GLDN: variants seen among roughly 807,000 people sequenced by gnomAD.
The protein encoded by GLDN is collomin.
GLDN carries 47 observed loss-of-function variants against 56.5 expected under a neutral mutation model. That is an observed-to-expected ratio of 0.83 (90% CI 0.66 to 1.06). GLDN has a LOEUF of 1.06. GLDN is among the 50% of genes least tolerant of loss of function. The pLI, the probability that GLDN is intolerant of heterozygous loss-of-function variation, is 0.00. For missense variants in GLDN, 782 were observed against 714.3 expected, an observed-to-expected ratio of 1.09 and a Z score of -1.08; for synonymous variants, 332 against 278.8, an observed-to-expected ratio of 1.19 and a Z score of -1.90.
intron 1 of GLDN, among the ~76,000 whole-genome samples, chr15:51,343,108 G>C (rs1000554865): frequency 6.6e-6 from 1 of 152,166 alleles, no homozygotes; most frequent in African/African-American, 2.4e-5. Context: ...AGTCAAGTGT[G>C]AGCCATACTT....
chr15:51,377,366 A>T, intron 1 of GLDN, 83 bp from the exon 2 acceptor site: 1 of 1,200,800 alleles, frequency 8.3e-7, no homozygotes, highest in South Asian at 1.3e-5. Context: ...ACTTTTTATG[A>T]TTGCTTTCTG....
chr15:51,382,222 C>T (rs1207718757), intron 2 of GLDN, among the ~76,000 whole-genome samples: 1 of 152,160 alleles, frequency 6.6e-6, no homozygotes, highest in Non-Finnish European at 1.5e-5. Context: ...CACTGCATGC[C>T]CACACTTCCC....
chr15:51,359,868 G>T (rs1385912602), intron 1 of GLDN, among the ~76,000 whole-genome samples: 3 of 151,378 alleles, frequency 2.0e-5, no homozygotes, highest in Non-Finnish European at 1.5e-5. Flanking sequence ...AGTCCCAGCT[G>T]CTTGGGAGGC....
chr15:51,356,187 C>G (rs1411172807), intron 1 of GLDN, among the ~76,000 whole-genome samples: 1 of 146,506 alleles, frequency 6.8e-6, no homozygotes, highest in Non-Finnish European at 1.5e-5. Flanking sequence ...AGCTGGGGAA[C>G]AGAGTGAGAC....
chr15:51,382,298 T>A (rs1169037106), intron 2 of GLDN, among the ~76,000 whole-genome samples: 2 of 151,884 alleles, frequency 1.3e-5, no homozygotes, highest in Non-Finnish European at 2.9e-5. Flanking sequence ...TGCATTATGG[T>A]TTCAAAGAGT....
rs191353447 is a variant in GLDN at position 51,359,936 on chromosome 15, G to A, written c.364-17513G>A. Among the ~76,000 whole-genome samples, 10 of 141,252 alleles carry A rather than the reference G, an allele frequency of 7.1e-5. No individual in the cohort carries two copies. The East Asian group carries it at 1.6e-3, about 22-fold the overall frequency. 92.7% of individuals were successfully genotyped at this position (141,252 alleles called of 152,430 possible). On this transcript the variant is annotated intron_variant, in intron 1 of 9. Transcript: ENST00000335449. ...GGAGCTTGCAGTGAGCCTAGATTGC[G>A]CCACTGCACTCCAGCCTGGGCGACA... is the stretch of plus-strand genomic sequence containing the variant.
chr15:51,360,350 G>GA (rs1488455490), intron 1 of GLDN: 1 of 152,254 alleles, frequency 6.6e-6, no homozygotes, highest in Admixed American at 6.5e-5. Context: ...CTTCAAAAAG[G>GA]ACTGCCCAAA....
At position 51,356,035 on chromosome 15, in the gene GLDN, G is replaced by T. The variant is rs138136563; in HGVS notation, c.363+13988G>T. Among the ~76,000 whole-genome samples, 984 of 149,108 alleles carry T rather than the reference G, an allele frequency of 6.6e-3. 6 individuals are homozygous for T. Among genetic ancestry groups the T allele is most frequent in the African/African-American group, 0.023 (946 of 40,740 alleles). The stretch of plus-strand genomic sequence containing the variant: ...ATCCTGGCTAACATGGTGAAACCCC[G>T]TCTCTACTAAAAATACAAAAGATTA... On this transcript the variant is annotated intron_variant, in intron 1 of 9. Transcript: ENST00000335449.
At chr15:51,351,555 A>C (rs919196128) in intron 1 of GLDN, among the ~76,000 whole-genome samples, 4 of 152,060 alleles carry the variant, frequency 2.6e-5, no homozygotes, top group Non-Finnish European at 5.9e-5. Flanking sequence ...TTCCAGAATA[A>C]TTTCTCAGAT....
intron 1 of GLDN, among the ~76,000 whole-genome samples, chr15:51,348,093 G>A (rs1453418661): frequency 6.6e-6 from 1 of 152,116 alleles, no homozygotes; most frequent in Non-Finnish European, 1.5e-5. Context: ...ATGTGACTGT[G>A]TTACTCTCTT....
chr15:51,371,818 G>A (rs2037522279), intron 1 of GLDN, among the ~76,000 whole-genome samples: 1 of 152,186 alleles, frequency 6.6e-6, no homozygotes, highest in Non-Finnish European at 1.5e-5. Flanking sequence ...AAGTAGCTGG[G>A]ATTACAGAAG....
At chr15:51,397,733 T>C in intron 6 of GLDN, 135 bp downstream of exon 6, 2 of 1,162,578 alleles carry the variant, frequency 1.7e-6, no homozygotes, top group Non-Finnish European at 2.3e-6. Context: ...GTTCCCTTCT[T>C]GCAAACTTCT....
rs189892979 is a variant in GLDN, at chr15:51,368,562, C to T, written c.364-8887C>T. Among the ~76,000 whole-genome samples, 17 of 151,014 alleles carry T rather than the reference C, an allele frequency of 1.1e-4. No individual in the cohort carries two copies. In the South Asian group the frequency reaches 2.1e-3, roughly 19 times the overall value. On this transcript the variant is annotated intron_variant, in intron 1 of 9. Transcript: ENST00000335449. ...GAGTCACACCCCAGAATTTCACTGT[C>T]GTGTTTCCAAGCAGCTGCATACAAG...
intron 5 of GLDN, among the ~76,000 whole-genome samples, chr15:51,395,191 A>G (rs916485029): frequency 1.3e-5 from 2 of 152,230 alleles, no homozygotes; most frequent in South Asian, 2.1e-4. Flanking sequence ...GGATCTAAGT[A>G]TAAGTGGTTC....
At chr15:51,392,514 T>C (rs1408035662) in intron 4 of GLDN, among the ~76,000 whole-genome samples, 1 of 152,208 alleles carries the variant, frequency 6.6e-6, no homozygotes, top group Non-Finnish European at 1.5e-5. Context: ...TATTTTGTTA[T>C]ATATTACAAT....
chr15:51,347,171 A>T (rs774337139), intron 1 of GLDN, among the ~76,000 whole-genome samples: 2 of 152,248 alleles, frequency 1.3e-5, no homozygotes, highest in African/African-American at 2.4e-5. Flanking sequence ...AAAAAATTTA[A>T]TAGGAAAATC....
chr15:51,408,615 A>G (rs770809610), downstream of GLDN, among the ~76,000 whole-genome samples: 23 of 152,134 alleles, frequency 1.5e-4, no homozygotes, highest in Admixed American at 6.5e-4. Context: ...TACATGTGCC[A>G]TGTTGGTGTG....
At chr15:51,362,043 G>A (rs1261211075) in intron 1 of GLDN, among the ~76,000 whole-genome samples, 1 of 152,222 alleles carries the variant, frequency 6.6e-6, no homozygotes, top group African/African-American at 2.4e-5. Context: ...CATTTGAGCA[G>A]AGACTTGAAG....
rs1595844373 is a variant in GLDN, at chr15:51,404,915, T to C, written c.*161T>C. 5 of 612,680 alleles carry C rather than the reference T, an allele frequency of 8.2e-6. No individual in the cohort carries two copies. The East Asian group carries it at 1.1e-4, about 13-fold the overall frequency. 38.0% of individuals were successfully genotyped at this position (612,680 alleles called of 1,614,324 possible). A position where few individuals can be genotyped will look rare whatever the true frequency, so the allele number is the denominator to read the frequency against. On this transcript the variant is annotated 3_prime_UTR_variant, in exon 10 of 10. Coordinates refer to ENST00000335449, the MANE Select transcript of GLDN (RefSeq NM_181789.4). ...CCCCGCTTAGTGAAATAGCAACAGA[T>C]TGGAAGTTGAAATGGCTGAGATTTG... is the stretch of plus-strand genomic sequence containing the variant.
Sources: gnomAD v4.1 joint callset for allele counts (sites outside exome capture counted in the v4.1 genomes callset) on GRCh38, gnomAD v4.1.1 for gene constraint, MANE v1.5 for transcripts, NCBI Gene and HGNC (gene_info 2026-07-23, HGNC 2026-07-21) for gene names.